Variants in USP51 observed in about 807,000 individuals in gnomAD.
USP51 encodes the protein ubiquitin specific peptidase 51.
USP51 carries 5 observed loss-of-function variants against 17.6 expected under a neutral mutation model. The ratio of observed to expected loss-of-function variants is 0.28; its 90% CI spans 0.15 to 0.60. The LOEUF (loss-of-function observed/expected upper bound fraction) is 0.60, where lower values mean the gene tolerates loss of function less well. Among genes scored for constraint, USP51 ranks in the 20% least tolerant of loss-of-function variants. The pLI is 0.88. For synonymous variants in USP51, 248 were observed against 216.1 expected (o/e 1.15, Z -1.29); for missense variants, 459 against 559.5 (o/e 0.82, Z 1.81).
rs953257851 is a variant in USP51 at position 55,489,343 on chromosome X, C to T, written c.-224G>A. The T allele has an allele frequency of 6.7e-6, 1 of 148,601 alleles. No individual in the cohort carries two copies. The highest frequency in any genetic ancestry group is 3.1e-5 in the African/African-American group (1 of 32,530). 12.2% of individuals were successfully genotyped at this position (148,601 alleles called of 1,213,427 possible). ...CGCAGCCTCGCTTTGGTGCAGCTTC[C>T]TCTGACGTTCTTTCCCTGTATCCTA... On this transcript the variant is annotated 5_prime_UTR_variant, in exon 2 of 3. Transcript: ENST00000500968.
At position 55,488,078 on chromosome X, in the gene USP51, A is replaced by C; in HGVS notation, c.862T>G (p.Cys288Gly). ...TCTTTGTCATATACATAATCCTTAC[A>C]CATGAAGCAATATATGACCCCATGA... ...LYHGVIYCFM[C>G]KDYVYDKDIE... Residue 288 changes from cysteine to glycine, a missense_variant, in exon 3 of 3, where the codon TGT (cysteine) becomes GGT (glycine). Cys to Gly is a radical substitution (Grantham distance 159). Around this residue, in one of 2 missense-constraint regions of USP51, gnomAD observed 227 missense variants for 365.5 expected, o/e 0.62. Coordinates refer to ENST00000500968, the MANE Select transcript of USP51 (RefSeq NM_201286.4). The C allele has an allele frequency of 8.3e-7, 1 of 1,211,675 alleles. No individual in the cohort carries two copies. The highest frequency in any genetic ancestry group is 1.1e-6 in the Non-Finnish European group (1 of 895,342).
Position 55,485,176 on chromosome X carries a change from T to C in USP51, c.*1628A>G, listed in dbSNP as rs1421736698. 2 of 111,728 alleles carry C rather than the reference T, an allele frequency of 1.8e-5. No homozygotes were observed. Among genetic ancestry groups the C allele is most frequent in the Non-Finnish European group, 3.8e-5 (2 of 53,146 alleles). 9.2% of individuals were successfully genotyped at this position (111,728 alleles called of 1,213,427 possible). On this transcript the variant is annotated 3_prime_UTR_variant, in exon 3 of 3. Transcript: ENST00000500968. The stretch of plus-strand genomic sequence containing the variant: ...CCTCAATCAGGCCATGGGGCTCAAA[T>C]ACCAAAGCCAGAGCTTCACAGCTGT...
In USP51 at chrX:55,485,939, AATTT is replaced by A. The variant is rs1407286793; in HGVS notation, c.*861_*864del. ...TTGCATTCCATTCTGTATTTTTGAA[AATTT>A]ATTTCTTAATCATTATAGTAGTAAT... On this transcript the variant is annotated 3_prime_UTR_variant, in exon 3 of 3. Transcript: ENST00000500968. 1 of 111,147 alleles carries A rather than the reference AATTT, an allele frequency of 9.0e-6. No individual in the cohort carries two copies. Among genetic ancestry groups the A allele is most frequent in the Admixed American group, 9.5e-5 (1 of 10,510 alleles). 9.2% of individuals were successfully genotyped at this position (111,147 alleles called of 1,213,427 possible). A position where few individuals can be genotyped will look rare whatever the true frequency, so the allele number is the denominator to read the frequency against.
chrX:55,488,079 C>T lies in USP51; in HGVS notation c.861G>A (p.Met287Ile), dbSNP rs1356973172. The stretch of plus-strand genomic sequence containing the variant: ...CTTTGTCATATACATAATCCTTACA[C>T]ATGAAGCAATATATGACCCCATGAT... ...DLYHGVIYCF[M>I]CKDYVYDKDI... Residue 287 changes from methionine (M) to isoleucine (I), a missense_variant, in exon 3 of 3, where the codon ATG becomes ATA. Around this residue, in one of 2 missense-constraint regions of USP51, gnomAD observed 227 missense variants for 365.5 expected, o/e 0.62. Coordinates refer to ENST00000500968, the MANE Select transcript of USP51 (RefSeq NM_201286.4). 5.0e-6 allele frequency: 6 copies of T among 1,210,201 alleles called. No individual in the cohort carries two copies. The African/African-American group carries it at 1.0e-4, about 21-fold the overall frequency.
Position 55,485,370 on chromosome X carries a change from G to A in USP51, c.*1434C>T, listed in dbSNP as rs1030621776. On this transcript the variant is annotated 3_prime_UTR_variant, in exon 3 of 3. Coordinates refer to ENST00000500968, the MANE Select transcript of USP51 (RefSeq NM_201286.4). ...GACTTCCTTCAGGATATGAGATGGG[G>A]CATGGAATCTCAAGAGGGGAAGGTG... 1.8e-5 allele frequency: 2 copies of A among 111,421 alleles called. No homozygotes were observed. Among genetic ancestry groups the A allele is most frequent in the Non-Finnish European group, 3.8e-5 (2 of 53,071 alleles). The allele number at this position is 111,421 out of a possible 1,213,427, so 9.2% of individuals were successfully genotyped here.
rs2031302878 is a variant in USP51 at position 55,485,530 on chromosome X, T to C, written c.*1274A>G. 9.2e-6 allele frequency: 1 copy of C among 108,702 alleles called. No individual in the cohort carries two copies. Among genetic ancestry groups the C allele is most frequent in the South Asian group, 3.9e-4 (1 of 2,564 alleles). The allele number at this position is 108,702 out of a possible 1,213,427, so 9.0% of individuals were successfully genotyped here. A position where few individuals can be genotyped will look rare whatever the true frequency, so the allele number is the denominator to read the frequency against. ...AAAAAAAAAAATATATATATATATA[T>C]ATACTCACACACCGCTGTCGTTATT... On this transcript the variant is annotated 3_prime_UTR_variant, in exon 3 of 3. Coordinates refer to ENST00000500968, the MANE Select transcript of USP51 (RefSeq NM_201286.4).
chrX:55,487,474 G>A lies in USP51; in HGVS notation c.1466C>T (p.Thr489Ile). The change falls in exon 3 of 3, where the codon ACA becomes ATA. Residue 489 changes from threonine to isoleucine, a missense_variant. Thr to Ile is a moderately conservative substitution (Grantham distance 89). Around this residue, in one of 2 missense-constraint regions of USP51, gnomAD observed 227 missense variants for 365.5 expected, o/e 0.62. Coordinates refer to ENST00000500968, the MANE Select transcript of USP51 (RefSeq NM_201286.4). Reference protein sequence around the residue: ...CCNCIIDQIFTGGLQSDVTCQ... With the variant: ...CCNCIIDQIFIGGLQSDVTCQ... ...TGTGACATCTGATTGCAGGCCACCT[G>A]TAAAGATTTGGTCTATGATGCAGTT... The A allele has an allele frequency of 8.3e-7, 1 of 1,212,008 alleles. No individual in the cohort carries two copies. Among genetic ancestry groups the A allele is most frequent in the Non-Finnish European group, 1.1e-6 (1 of 895,603 alleles).
At position 55,486,891 on chromosome X, in the gene USP51, G is replaced by A. The variant is rs777578650; in HGVS notation, c.2049C>T (p.Ala683=). Reference sequence around the variant, plus strand: ...CCTCAATGGTAGCCTTGGTGATGATGGCATCATCACAGCTGAACCACTGGT... The same window carrying A: ...CCTCAATGGTAGCCTTGGTGATGATAGCATCATCACAGCTGAACCACTGGT... ...QKDQWFSCDD[A]IITKATIEDL... is the part of the protein sequence containing the mutation. The change falls in exon 3 of 3, where the codon GCC becomes GCT. Residue 683 remains alanine (A), a synonymous_variant. Coordinates refer to ENST00000500968, the MANE Select transcript of USP51 (RefSeq NM_201286.4). 1 of 1,209,814 alleles carries A rather than the reference G, an allele frequency of 8.3e-7. No individual in the cohort carries two copies. The highest frequency in any genetic ancestry group is 1.1e-6 in the Non-Finnish European group (1 of 895,179).
rs2031363134 is a variant in USP51, at chrX:55,488,533, G to A, written c.407C>T (p.Pro136Leu). Residue 136 changes from proline to leucine, a missense_variant, in exon 3 of 3, where the codon CCC becomes CTC. Pro to Leu is a moderately conservative substitution (Grantham distance 98, BLOSUM62 -3). Transcript: ENST00000500968. ...PPARPPPPPP[P>L]PPPPAPRPRA... ...GGGCCGCGGTGCGGGTGGGGGCGGG[G>A]GTGGCGGCGGGGGCGGGGGCCGGGC... The A allele has an allele frequency of 9.6e-7, 1 of 1,038,190 alleles. No homozygotes were observed. The highest frequency in any genetic ancestry group is 1.2e-6 in the Non-Finnish European group (1 of 814,372). The allele number at this position is 1,038,190 out of a possible 1,213,427, so 85.6% of individuals were successfully genotyped here. A position where few individuals can be genotyped will look rare whatever the true frequency, so the allele number is the denominator to read the frequency against.
rs1377918255 is a variant in USP51, at chrX:55,485,512, A to T, written c.*1292T>A. 1.9e-5 allele frequency: 2 copies of T among 105,326 alleles called. No homozygotes were observed. The highest frequency in any genetic ancestry group is 6.9e-5 in the African/African-American group (2 of 29,055). 8.7% of individuals were successfully genotyped at this position (105,326 alleles called of 1,213,427 possible). A position where few individuals can be genotyped will look rare whatever the true frequency, so the allele number is the denominator to read the frequency against. On this transcript the variant is annotated 3_prime_UTR_variant, in exon 3 of 3. Coordinates refer to ENST00000500968, the MANE Select transcript of USP51 (RefSeq NM_201286.4). ...TATATCAACATAAAGCTCAAAAAAAAAAATATATATATATATATATACTCA... is the reference window on the plus strand; with the variant it reads ...TATATCAACATAAAGCTCAAAAAAATAAATATATATATATATATATACTCA...
At position 55,488,814 on chromosome X, in the gene USP51, C is replaced by A. The variant is rs1308834746; in HGVS notation, c.126G>T (p.Ala42=). The A allele has an allele frequency of 8.3e-7, 1 of 1,211,212 alleles. No individual in the cohort carries two copies. The highest frequency in any genetic ancestry group is 1.1e-6 in the Non-Finnish European group (1 of 895,464). Residue 42 remains alanine (A), a synonymous_variant, in exon 3 of 3, where the codon GCG becomes GCT. Coordinates refer to ENST00000500968, the MANE Select transcript of USP51 (RefSeq NM_201286.4). ...GTCTCGAAGACGCCTTCGTAGCCCC[C>A]GCCGCCGCCTCCTCCATTTTCCCCG... ...EKAGKMEEAA[A]GATKASSRRE...
Position 55,488,384 on chromosome X carries a change from C to T in USP51, c.556G>A (p.Val186Ile). 1.7e-6 allele frequency: 2 copies of T among 1,211,477 alleles called. No individual in the cohort carries two copies. The highest frequency in any genetic ancestry group is 2.2e-6 in the Non-Finnish European group (2 of 895,210). Residue 186 changes from valine to isoleucine, a missense_variant, in exon 3 of 3, where the codon GTC (valine) becomes ATC (isoleucine). Around this residue, in one of 2 missense-constraint regions of USP51, gnomAD observed 232 missense variants for 194.0 expected, o/e 1.20. Coordinates refer to ENST00000500968, the MANE Select transcript of USP51 (RefSeq NM_201286.4). ...PGGLGDWLLE[V>I]EFGQGPTGCS... ...CCTGTGGGACCCTGACCAAACTCGA[C>T]CTCCAGCAACCAGTCCCCTAAGCCG...
rs936942736 is a variant in USP51, at chrX:55,486,136, CTTAAT to C, written c.*663_*667del. The C allele has an allele frequency of 3.6e-5, 4 of 109,708 alleles. No individual in the cohort carries two copies. In the East Asian group the frequency reaches 8.6e-4, roughly 23 times the overall value. 9.0% of individuals were successfully genotyped at this position (109,708 alleles called of 1,213,427 possible). On this transcript the variant is annotated 3_prime_UTR_variant, in exon 3 of 3. Coordinates refer to ENST00000500968, the MANE Select transcript of USP51 (RefSeq NM_201286.4). ...TAAACTTTCATTTTTAACCTTGTTC[CTTAAT>C]TTATTTTACATTTTTAAACTTTAAG...
At position 55,488,003 on chromosome X, in the gene USP51, T is replaced by C. The variant is rs777033004; in HGVS notation, c.937A>G (p.Thr313Ala). ...TGAGAAACATCTGTTGAGGTGGAAG[T>C]TAATAATCTCAAAATTTTTTCTTTT... ...ETKEKILRLL[T>A]STSTDVSHQQ... Residue 313 changes from threonine (T) to alanine (A), a missense_variant, in exon 3 of 3, where the codon ACT becomes GCT. By Grantham distance (58) the Thr-to-Ala change is moderately conservative. Around this residue, in one of 2 missense-constraint regions of USP51, gnomAD observed 227 missense variants for 365.5 expected, o/e 0.62. Transcript: ENST00000500968. 3.7e-5 allele frequency: 45 copies of C among 1,208,184 alleles called. No homozygotes were observed. The highest frequency in any genetic ancestry group is 5.0e-5 in the Non-Finnish European group (45 of 894,202).
rs1167398182 is a variant in USP51 at position 55,484,678 on chromosome X, T to C, written c.*2126A>G. Reference sequence around the variant, plus strand: ...TAAGGCTTGGCCCCCTGTTCTTAGATGCTCAGTGCAGAGGGGCAGACAATC... The same window carrying C: ...TAAGGCTTGGCCCCCTGTTCTTAGACGCTCAGTGCAGAGGGGCAGACAATC... On this transcript the variant is annotated 3_prime_UTR_variant, in exon 3 of 3. Transcript: ENST00000500968. 8.9e-6 allele frequency: 1 copy of C among 112,236 alleles called. No individual in the cohort carries two copies. Among genetic ancestry groups the C allele is most frequent in the Non-Finnish European group, 1.9e-5 (1 of 53,268 alleles). The allele number at this position is 112,236 out of a possible 1,213,427, so 9.2% of individuals were successfully genotyped here. A position where few individuals can be genotyped will look rare whatever the true frequency, so the allele number is the denominator to read the frequency against.
Position 55,487,767 on chromosome X carries a change from G to A in USP51, c.1173C>T (p.Phe391=). 1.7e-6 allele frequency: 2 copies of A among 1,212,072 alleles called. No individual in the cohort carries two copies. Among genetic ancestry groups the A allele is most frequent in the Middle Eastern group, 2.3e-4 (1 of 4,355 alleles). The change falls in exon 3 of 3, where the codon TTC becomes TTT. Residue 391 remains phenylalanine (F), a synonymous_variant. Transcript: ENST00000500968. ...LTHIPLLKDF[F]LSDKHKCIMT... is the part of the protein sequence containing the mutation. ...TTATACATTTGTGCTTGTCAGAGAG[G>A]AAGAAATCTTTCAGTAGAGGAATAT...
At position 55,489,827 on chromosome X, in the gene USP51, C is replaced by T. The variant is rs1229894959; in HGVS notation, c.-298G>A. Among the ~76,000 whole-genome samples the T allele has an allele frequency of 8.9e-6, 1 of 112,020 alleles. No individual in the cohort carries two copies. On this transcript the variant is annotated 5_prime_UTR_variant, in exon 1 of 3. Transcript: ENST00000500968. ...ACGTCAGCAACTGCTGCTGTCCAGG[C>T]GCTCCTCAGCCAGCCTTCTCTCCTG...
At position 55,488,157 on chromosome X, in the gene USP51, T is replaced by C. The variant is rs2031350552; in HGVS notation, c.783A>G (p.Lys261=). ...TTGTTTCTGCATGTTTGTGAATATG[T>C]TTCTCAGTGAAGCAGCCAAAAAAGA... ...SCVFFGCFTE[K]HIHKHAETKQ... The change falls in exon 3 of 3, where the codon AAA becomes AAG. Residue 261 remains lysine (K), a synonymous_variant. Coordinates refer to ENST00000500968, the MANE Select transcript of USP51 (RefSeq NM_201286.4). 6.6e-6 allele frequency: 8 copies of C among 1,211,832 alleles called. No homozygotes were observed. The highest frequency in any genetic ancestry group is 1.7e-5 in the African/African-American group (1 of 57,750).
In USP51 at chrX:55,489,312, G is replaced by A. The variant is rs1403234205; in HGVS notation, c.-193C>T. ...CGCCACCCTCTGACTGCTTTTTTGC[G>A]CCCTGCGCAGCCTCGCTTTGGTGCA... On this transcript the variant is annotated 5_prime_UTR_variant, in exon 2 of 3. Transcript: ENST00000500968. 4.2e-5 allele frequency: 7 copies of A among 165,779 alleles called. No homozygotes were observed. The highest frequency in any genetic ancestry group is 8.0e-5 in the Non-Finnish European group (7 of 87,747). The allele number at this position is 165,779 out of a possible 1,213,427, so 13.7% of individuals were successfully genotyped here. A position where few individuals can be genotyped will look rare whatever the true frequency, so the allele number is the denominator to read the frequency against.
Sources: gnomAD v4.1 joint callset for allele counts (sites outside exome capture counted in the v4.1 genomes callset) on GRCh38, gnomAD v4.1.1 for gene constraint, gnomAD v4.1.1 regional missense constraint, MANE v1.5 for transcripts, NCBI Gene and HGNC (gene_info 2026-07-23, HGNC 2026-07-21) for gene names.